The following TRAP1 variants were observed in gnomAD, a reference collection of about 807,000 sequenced individuals.
TRAP1 encodes heat shock protein 75 kDa, mitochondrial.
Under a neutral mutation model 89.1 loss-of-function variants are expected in TRAP1, and 102 were observed. The observed-to-expected ratio is 1.15, with a 90% CI of 0.98 to 1.35. The LOEUF (loss-of-function observed/expected upper bound fraction) is 1.35, where lower values mean the gene tolerates loss of function less well. Among genes scored for constraint, TRAP1 ranks in the 40% most tolerant of loss-of-function variants. The pLI is 0.00. For missense variants in TRAP1, 1,256 were observed against 945.3 expected, an observed-to-expected ratio of 1.33 and a Z score of -4.31; for synonymous variants, 508 against 388.0, an observed-to-expected ratio of 1.31 and a Z score of -3.64.
At chr16:3,707,477 G>A (rs895859862) in intron 1 of TRAP1, among the ~76,000 whole-genome samples, 16 of 151,108 alleles carry the variant, frequency 1.1e-4, no homozygotes, top group African/African-American at 1.9e-4. Context: ...GAGCCACCGC[G>A]CCCGGCCTTA....
intron 4 of TRAP1, among the ~76,000 whole-genome samples, chr16:3,683,233 G>C (rs966835188): frequency 6.6e-6 from 1 of 152,044 alleles, no homozygotes; most frequent in African/African-American, 2.4e-5. Flanking sequence ...ACAGCCAAGA[G>C]GAGCTAAGGG....
Position 3,666,003 on chromosome 16 carries a change from C to T in TRAP1, c.1351G>A (p.Gly451Ser). 2 of 1,613,994 alleles carry T rather than the reference C, an allele frequency of 1.2e-6. No homozygotes were observed. The highest frequency in any genetic ancestry group is 1.7e-6 in the Non-Finnish European group (2 of 1,179,962). Reference sequence around the variant, plus strand: ...TCCTGCTCGGTGGCGGTCACAATGCCCTCCCGCATGAACAGGCCGTAATCT... The same window carrying T: ...TCCTGCTCGGTGGCGGTCACAATGCTCTCCCGCATGAACAGGCCGTAATCT... ...FEDYGLFMRE[G>S]IVTATEQEVK... Residue 451 changes from glycine to serine, a missense_variant, in exon 12 of 18, where the codon GGC becomes AGC. Transcript: ENST00000246957.
intron 1 of TRAP1, among the ~76,000 whole-genome samples, chr16:3,695,449 C>T (rs1250812059): frequency 1.5e-4 from 22 of 150,720 alleles, no homozygotes; most frequent in Non-Finnish European, 2.9e-5. Flanking sequence ...GGTGGAAGGA[C>T]TGCTCGAACA....
At chr16:3,689,173 A>T in intron 2 of TRAP1, 36 bp from the exon 3 acceptor site, 1 of 1,575,850 alleles carries the variant, frequency 6.3e-7, no homozygotes. Context: ...AACAAAGTTT[A>T]ACTTCTATTT....
chr16:3,690,774 G>T, intron 2 of TRAP1, 53 bp downstream of exon 2: 2 of 1,337,270 alleles, frequency 1.5e-6, no homozygotes, highest in Non-Finnish European at 1.9e-6. Flanking sequence ...GCCCCTTTAC[G>T]CACAGCAGTG....
chr16:3,698,765 G>T (rs905956070), intron 1 of TRAP1, among the ~76,000 whole-genome samples: 3 of 152,038 alleles, frequency 2.0e-5, no homozygotes, highest in African/African-American at 7.2e-5. Flanking sequence ...CAGGTGTGGT[G>T]GTGCATGCCT....
rs994369610 is a variant in TRAP1, at chr16:3,662,488, G to T, written c.1795-356C>A. 9.2e-5 allele frequency: 48 copies of T among 519,952 alleles called. 1 individual carries two copies. Among genetic ancestry groups the T allele is most frequent in the Non-Finnish European group, 2.5e-5 (7 of 282,016 alleles). 32.2% of individuals were successfully genotyped at this position (519,952 alleles called of 1,614,324 possible). A position where few individuals can be genotyped will look rare whatever the true frequency, so the allele number is the denominator to read the frequency against. ...TTTCTCACTCTGAGCTAGACAGGTT[G>T]GTGGGGGGAGTCTTAGCTCTCTGAA... On this transcript the variant is annotated intron_variant, in intron 15 of 17. Coordinates refer to ENST00000246957, the MANE Select transcript of TRAP1 (RefSeq NM_016292.3).
intron 13 of TRAP1, chr16:3,663,791 T>C: frequency 1.8e-6 from 1 of 563,532 alleles, no homozygotes; most frequent in African/African-American, 1.9e-5. Context: ...AATCCACATG[T>C]GGCTGAGTGC....
chr16:3,674,502 C>T lies in TRAP1; in HGVS notation c.889-8G>A, dbSNP rs374813792. 186 of 1,613,280 alleles carry T rather than the reference C, an allele frequency of 1.2e-4. 2 individuals are homozygous for T. Among genetic ancestry groups the T allele is most frequent in the Middle Eastern group, 3.3e-4 (2 of 6,082 alleles). On this transcript the variant is annotated splice_polypyrimidine_tract_variant and splice_region_variant and intron_variant, in intron 8 of 17. Transcript: ENST00000246957. The stretch of plus-strand genomic sequence containing the variant: ...GTCCATCATCCAGATGGCCTGGAAA[C>T]GGAGATCGGCGGGGAGGGCGTCGTG...
rs1006568718 is a variant in TRAP1 at position 3,717,473 on chromosome 16, G to A, written c.36C>T (p.Gly12=). 3.0e-6 allele frequency: 4 copies of A among 1,318,360 alleles called. No homozygotes were observed. Among genetic ancestry groups the A allele is most frequent in the Non-Finnish European group, 3.8e-6 (4 of 1,039,484 alleles). The allele number at this position is 1,318,360 out of a possible 1,614,324, so 81.7% of individuals were successfully genotyped here. A position where few individuals can be genotyped will look rare whatever the true frequency, so the allele number is the denominator to read the frequency against. Residue 12 remains glycine (G), a synonymous_variant, in exon 1 of 18, where the codon GGC becomes GGT. Coordinates refer to ENST00000246957, the MANE Select transcript of TRAP1 (RefSeq NM_016292.3). ...CCCGCAGCAAAGGCCGCAGGCGGCGGCCCCACAGCAGCAGCGCCCGCAGCT... is the reference window on the plus strand; with the variant it reads ...CCCGCAGCAAAGGCCGCAGGCGGCGACCCCACAGCAGCAGCGCCCGCAGCT... ...ARELRALLLW[G]RRLRPLLRAP...
intron 3 of TRAP1, chr16:3,687,357 A>C (rs759018975): frequency 4.6e-5 from 7 of 152,308 alleles, no homozygotes; most frequent in Admixed American, 1.3e-4. Flanking sequence ...GTGTAAGTCC[A>C]ATTAAAGCTC....
At chr16:3,713,589 A>T (rs2051560075) in intron 1 of TRAP1, among the ~76,000 whole-genome samples, 1 of 152,214 alleles carries the variant, frequency 6.6e-6, no homozygotes, top group Non-Finnish European at 1.5e-5. Context: ...ATGTTCTGGC[A>T]ATTTCACGAA....
chr16:3,675,539 C>G (rs1488103094), intron 7 of TRAP1, 142 bp from the exon 8 acceptor site: 3 of 736,228 alleles, frequency 4.1e-6, no homozygotes, highest in East Asian at 5.4e-5. Context: ...AAACAGGGCA[C>G]AGTGGGGACA....
At chr16:3,677,429 T>C in intron 6 of TRAP1, 69 bp downstream of exon 6, 2 of 1,602,564 alleles carry the variant, frequency 1.2e-6, no homozygotes, top group Non-Finnish European at 1.7e-6. Flanking sequence ...AGTCCATCCC[T>C]TTCCAAACTC....
chr16:3,669,832 CAAAAAAAAAAAAA>C (rs59256364), intron 11 of TRAP1, among the ~76,000 whole-genome samples: 6 of 66,156 alleles, frequency 9.1e-5, no homozygotes, highest in South Asian at 9.8e-4. Flanking sequence ...GACTCCGTCT[CAAAAAAAAAAAAA>C]AAAAAAAAAA....
chr16:3,668,606 C>A (rs1018917161), intron 11 of TRAP1, among the ~76,000 whole-genome samples: 1 of 152,156 alleles, frequency 6.6e-6, no homozygotes, highest in Admixed American at 6.5e-5. Context: ...GCTCTAATTT[C>A]GGCTGACTCT....
intron 16 of TRAP1, 52 bp from the exon 17 acceptor site, chr16:3,658,917 C>T (rs754126236): frequency 1.5e-5 from 24 of 1,575,818 alleles, no homozygotes; most frequent in Non-Finnish European, 2.1e-5. Flanking sequence ...GTGCTGTGAC[C>T]CTCCCTTCAT....
At chr16:3,666,231 A>G in intron 11 of TRAP1, 113 bp from the exon 12 acceptor site, 1 of 1,346,622 alleles carries the variant, frequency 7.4e-7, no homozygotes, top group South Asian at 1.4e-5. Context: ...TGAAAACAAC[A>G]AGGTACCGTT....
At chr16:3,714,976 A>G (rs1271619414) in intron 1 of TRAP1, among the ~76,000 whole-genome samples, 1 of 152,184 alleles carries the variant, frequency 6.6e-6, no homozygotes, top group Non-Finnish European at 1.5e-5. Context: ...CGTTCAATCA[A>G]TCCAAACAAT....
Sources: allele counts gnomAD v4.1 joint callset (sites outside exome capture counted in the v4.1 genomes callset), GRCh38; gene constraint gnomAD v4.1.1; transcripts MANE v1.5; gene names NCBI Gene and HGNC (gene_info 2026-07-23, HGNC 2026-07-21).